Variants in SF3B1 observed in about 807,000 individuals in gnomAD.
SF3B1 encodes splicing factor 3b subunit 1.
In SF3B1, 12 loss-of-function variants were observed where a neutral mutation model predicts 153.8. The observed-to-expected ratio is 0.08, with a 90% CI of 0.05 to 0.13. The LOEUF (loss-of-function observed/expected upper bound fraction) is 0.13, where lower values mean the gene tolerates loss of function less well. SF3B1 is among the 10% of genes least tolerant of loss of function. The pLI, the probability that SF3B1 is intolerant of heterozygous loss-of-function variation, is 1.00. For synonymous variants in SF3B1, 498 were observed against 525.2 expected, an observed-to-expected ratio of 0.95 and a Z score of 0.71; for missense variants, 513 against 1,606.1, an observed-to-expected ratio of 0.32 and a Z score of 11.63.
intron 1 of SF3B1, among the ~76,000 whole-genome samples, chr2:197,425,123 A>G (rs2085312843): frequency 1.3e-5 from 2 of 151,976 alleles, no homozygotes; most frequent in Non-Finnish European, 2.9e-5. Context: ...GTGCCACTGC[A>G]CTTTAGCCTG....
chr2:197,414,178 G>C (rs775226430), intron 6 of SF3B1, among the ~76,000 whole-genome samples: 11 of 152,164 alleles, frequency 7.2e-5, no homozygotes, highest in Non-Finnish European at 1.6e-4. Context: ...ACATGTATGC[G>C]AAGAAAATCA....
In SF3B1 at chr2:197,408,834, A is replaced by T. The variant is rs2105994814; in HGVS notation, c.905-253T>A. 1.0e-5 allele frequency: 5 copies of T among 477,370 alleles called. No homozygotes were observed. The South Asian group carries it at 1.1e-4, about 11-fold the overall frequency. The allele number at this position is 477,370 out of a possible 1,614,324, so 29.6% of individuals were successfully genotyped here. ...GCTACTCAGGAGGCTGAAGCAAAAG[A>T]ATCACTTGAACTGGGGAGGCAGAGG... On this transcript the variant is annotated intron_variant, in intron 7 of 24. Transcript: ENST00000335508.
chr2:197,402,184 A>G lies in SF3B1; in HGVS notation c.2078-54T>C, dbSNP rs2105985766. 3 of 1,547,248 alleles carry G rather than the reference A, an allele frequency of 1.9e-6. No individual in the cohort carries two copies. Among genetic ancestry groups the G allele is most frequent in the Non-Finnish European group, 2.6e-6 (3 of 1,145,500 alleles). Reference sequence around the variant, plus strand: ...TGCCCCAACATTACCTAAGTTACACAATATCATCCAGATTCTCTCAATATA... The same window carrying G: ...TGCCCCAACATTACCTAAGTTACACGATATCATCCAGATTCTCTCAATATA... On this transcript the variant is annotated intron_variant, in intron 14 of 24. Transcript: ENST00000335508. This position sits in a 1 kb window ranked among gnomAD's most constrained non-coding sequence, Gnocchi z 4.6.
At chr2:197,395,446 G>T (rs2084865655) in intron 23 of SF3B1, among the ~76,000 whole-genome samples, 1 of 152,252 alleles carries the variant, frequency 6.6e-6, no homozygotes, top group South Asian at 2.1e-4. Flanking sequence ...TAAAGAGCCA[G>T]TGAAACAGTT....
chr2:197,405,361 G>C lies in SF3B1; in HGVS notation c.1351C>G (p.Arg451Gly), dbSNP rs369794291. The change falls in exon 10 of 25, where the codon CGA becomes GGA. Residue 451 changes from arginine (R) to glycine (G), a missense_variant. Transcript: ENST00000335508. Reference protein sequence around the residue: ...MTGFHMQTEDRTMKSVNDQPS... With the variant: ...MTGFHMQTEDGTMKSVNDQPS... ...TGGTCATTAACACTTTTCATAGTTC[G>C]ATCTTCAGTTTGCATGTGGAAACCA... is the stretch of plus-strand genomic sequence containing the variant. The C allele has an allele frequency of 8.1e-6, 13 of 1,613,938 alleles. No homozygotes were observed. Among genetic ancestry groups the C allele is most frequent in the Non-Finnish European group, 1.0e-5 (12 of 1,179,900 alleles).
chr2:197,420,322 A>T lies in SF3B1; in HGVS notation c.415+106T>A. ...CAAATCTATAGTAAGGGGGATTTTT[A>T]AAAAGAAAAGCAAATTCAGAAGCAT... is the stretch of plus-strand genomic sequence containing the variant. On this transcript the variant is annotated intron_variant, in intron 4 of 24. Coordinates refer to ENST00000335508, the MANE Select transcript of SF3B1 (RefSeq NM_012433.4). 4 of 803,016 alleles carry T rather than the reference A, an allele frequency of 5.0e-6. No individual in the cohort carries two copies. The Admixed American group carries it at 8.8e-5, about 18-fold the overall frequency. 49.7% of individuals were successfully genotyped at this position (803,016 alleles called of 1,614,324 possible). A position where few individuals can be genotyped will look rare whatever the true frequency, so the allele number is the denominator to read the frequency against.
chr2:197,429,783 CAAA>C (rs199999089), intron 1 of SF3B1, among the ~76,000 whole-genome samples: 1 of 131,376 alleles, frequency 7.6e-6, no homozygotes. Flanking sequence ...GACTCTGTCT[CAAA>C]AAAAAAAAAA....
chr2:197,434,844 ACCCTTGGCC>A, intron 1 of SF3B1, 119 bp downstream of exon 1: 1 of 980,934 alleles, frequency 1.0e-6, no homozygotes. Flanking sequence ...GGAGGAGACG[ACCCTTGGCC>A]CCGAAACGCG....
Position 197,423,823 on chromosome 2 carries a change from T to G in SF3B1, c.180A>C (p.Ala60=). The change falls in exon 2 of 25, where the codon GCA becomes GCC. Residue 60 remains alanine (A), a synonymous_variant. Coordinates refer to ENST00000335508, the MANE Select transcript of SF3B1 (RefSeq NM_012433.4). ...RFAGYVTSIA[A]TELEDDDDDY... is the part of the protein sequence containing the mutation. ...TGTAACTTACATCTTCAAGTTCAGT[T>G]GCAGCAATTGATGTCACGTATCCAG... is the stretch of plus-strand genomic sequence containing the variant. The G allele has an allele frequency of 1.2e-6, 2 of 1,613,564 alleles. No individual in the cohort carries two copies. Among genetic ancestry groups the G allele is most frequent in the Non-Finnish European group, 1.7e-6 (2 of 1,179,884 alleles).
intron 22 of SF3B1, 52 bp downstream of exon 22, chr2:197,397,933 A>G: frequency 7.5e-7 from 1 of 1,328,866 alleles, no homozygotes; most frequent in South Asian, 1.3e-5. Context: ...CCAATACCAC[A>G]ATGCATTTAT....
chr2:197,414,724 C>G (rs1286584957), intron 6 of SF3B1, among the ~76,000 whole-genome samples: 4 of 152,128 alleles, frequency 2.6e-5, no homozygotes, highest in Non-Finnish European at 5.9e-5. Flanking sequence ...ACAACTCATT[C>G]AAGGCATCTG....
At chr2:197,403,086 A>T in intron 12 of SF3B1, 51 bp from the exon 13 acceptor site, 1 of 1,288,768 alleles carries the variant, frequency 7.8e-7, no homozygotes, top group South Asian at 1.2e-5. Flanking sequence ...ATTACTGATG[A>T]AATGCTCATG....
In SF3B1 at chr2:197,401,484, G is replaced by C; in HGVS notation, c.2412C>G (p.Asn804Lys). 1 of 1,611,952 alleles carries C rather than the reference G, an allele frequency of 6.2e-7. No homozygotes were observed. Among genetic ancestry groups the C allele is most frequent in the Non-Finnish European group, 8.5e-7 (1 of 1,178,560 alleles). ...GAGGAAGAATCTCTGTTTTAATGTA[G>C]TTTGCTTCTACACCATCTGTCCCAC... ...QCCGTDGVEA[N>K]YIKTEILPPF... The change falls in exon 17 of 25, where the codon AAC (asparagine) becomes AAG (lysine). Residue 804 changes from asparagine (N) to lysine (K), a missense_variant. Physicochemically the swap from Asn to Lys is moderately conservative, Grantham distance 94 (BLOSUM62 0). Around this residue, in one of 21 missense-constraint regions of SF3B1, gnomAD observed 50 missense variants for 236.5 expected, o/e 0.21. Transcript: ENST00000335508. The surrounding 1 kb of genome is among the most constrained non-coding windows in gnomAD (Gnocchi z 4.2).
intron 9 of SF3B1, among the ~76,000 whole-genome samples, chr2:197,406,267 G>T (rs1396017118): frequency 6.6e-6 from 1 of 150,556 alleles, no homozygotes; most frequent in Non-Finnish European, 1.5e-5. Flanking sequence ...TATAGTAAAA[G>T]AAAAAAAATA....
rs2084943390 is a variant in SF3B1, at chr2:197,402,267, A to G, written c.2078-137T>C. The G allele has an allele frequency of 1.0e-5, 10 of 990,228 alleles. No individual in the cohort carries two copies. The highest frequency in any genetic ancestry group is 1.5e-5 in the Non-Finnish European group (10 of 683,560). The allele number at this position is 990,228 out of a possible 1,614,324, so 61.3% of individuals were successfully genotyped here. A position where few individuals can be genotyped will look rare whatever the true frequency, so the allele number is the denominator to read the frequency against. On this transcript the variant is annotated intron_variant, in intron 14 of 24. Transcript: ENST00000335508. This position sits in a 1 kb window ranked among gnomAD's most constrained non-coding sequence, Gnocchi z 4.6. ...ACATTAAACAAAATTAGGTAAAAGC[A>G]AAACATGAACCATAGCCTGTCAGCA...
intron 1 of SF3B1, 72 bp from the exon 2 acceptor site, chr2:197,424,046 C>G (rs2085291436): frequency 2.4e-6 from 3 of 1,251,758 alleles, no homozygotes; most frequent in Non-Finnish European, 3.4e-6. Context: ...CATTTCTTTA[C>G]TAGGTAATTA....
In SF3B1 at chr2:197,401,460, A is replaced by G. The variant is rs1251463070; in HGVS notation, c.2436T>C (p.Pro812=). The change falls in exon 17 of 25, where the codon CCT becomes CCC. Residue 812 remains proline (P), a synonymous_variant. Coordinates refer to ENST00000335508, the MANE Select transcript of SF3B1 (RefSeq NM_012433.4). This position sits in a 1 kb window ranked among gnomAD's most constrained non-coding sequence, Gnocchi z 4.2. ...GCTGCCAGAAGTGTTTAAAAAAGGGAGGAAGAATCTCTGTTTTAATGTAGT... is the reference window on the plus strand; with the variant it reads ...GCTGCCAGAAGTGTTTAAAAAAGGGGGGAAGAATCTCTGTTTTAATGTAGT... The part of the protein sequence containing the change: ...EANYIKTEIL[P]PFFKHFWQHR... The G allele has an allele frequency of 6.2e-7, 1 of 1,612,350 alleles. No individual in the cohort carries two copies. Among genetic ancestry groups the G allele is most frequent in the Non-Finnish European group, 8.5e-7 (1 of 1,178,838 alleles).
At chr2:197,417,709 A>G (rs1419829111) in intron 5 of SF3B1, among the ~76,000 whole-genome samples, 1 of 152,160 alleles carries the variant, frequency 6.6e-6, no homozygotes, top group Non-Finnish European at 1.5e-5. Flanking sequence ...GTAAGCTGAA[A>G]TCGCACCACT....
In SF3B1 at chr2:197,405,333, G is replaced by A; in HGVS notation, c.1379C>T (p.Pro460Leu). The A allele has an allele frequency of 6.2e-7, 1 of 1,613,954 alleles. No homozygotes were observed. The highest frequency in any genetic ancestry group is 8.5e-7 in the Non-Finnish European group (1 of 1,179,924). ...DRTMKSVNDQPSGNLPFLKPD... is the reference protein window; with the variant it reads ...DRTMKSVNDQLSGNLPFLKPD... ...TTTTAAAAATGGAAGATTTCCAGATGGCTGGTCATTAACACTTTTCATAGT... is the reference window on the plus strand; with the variant it reads ...TTTTAAAAATGGAAGATTTCCAGATAGCTGGTCATTAACACTTTTCATAGT... Residue 460 changes from proline to leucine, a missense_variant, in exon 10 of 25, where the codon CCA becomes CTA. Physicochemically the swap from Pro to Leu is moderately conservative, Grantham distance 98. Around this residue, in one of 21 missense-constraint regions of SF3B1, gnomAD observed 34 missense variants for 190.8 expected, o/e 0.18. Coordinates refer to ENST00000335508, the MANE Select transcript of SF3B1 (RefSeq NM_012433.4).
Sources: allele counts gnomAD v4.1 joint callset (sites outside exome capture counted in the v4.1 genomes callset), GRCh38; gene constraint gnomAD v4.1.1; regional missense constraint gnomAD v4.1.1; non-coding constraint Gnocchi (gnomAD v3.1); transcripts MANE v1.5; gene names NCBI Gene and HGNC (gene_info 2026-07-23, HGNC 2026-07-21).